Variants in FOXP1 observed in about 807,000 individuals in gnomAD.
The protein encoded by FOXP1 is forkhead box P1, also known as forkhead box protein P1.
FOXP1 carries 15 observed loss-of-function variants against 98.2 expected under a neutral mutation model. That is an observed-to-expected ratio of 0.15 (90% confidence interval 0.10 to 0.24). FOXP1 has a LOEUF of 0.24. FOXP1 is among the 10% of genes least tolerant of loss of function. The pLI is 1.00. For synonymous variants in FOXP1, 371 were observed against 314.5 expected, an observed-to-expected ratio of 1.18 and a Z score of -1.90; for missense variants, 633 against 848.5, an observed-to-expected ratio of 0.75 and a Z score of 3.15.
At chr3:71,374,947 G>A (rs1577194683) in intron 3 of FOXP1, among the ~76,000 whole-genome samples, 2 of 152,270 alleles carry the variant, frequency 1.3e-5, no homozygotes, top group South Asian at 4.1e-4. Flanking sequence ...TGAACAAGAA[G>A]ACTACCTGGC....
chr3:71,121,662 T>C (rs2058785047), intron 6 of FOXP1, among the ~76,000 whole-genome samples: 1 of 152,202 alleles, frequency 6.6e-6, no homozygotes, highest in African/African-American at 2.4e-5. Flanking sequence ...AGCCTGAGCC[T>C]GTTTAGCTCA....
chr3:71,209,187 T>A (rs2064275642), intron 5 of FOXP1, among the ~76,000 whole-genome samples: 1 of 152,236 alleles, frequency 6.6e-6, no homozygotes, highest in African/African-American at 2.4e-5. Context: ...CAATACCCTT[T>A]TATTTCCTGG....
chr3:71,465,326 AG>A (rs1560523558), intron 3 of FOXP1, among the ~76,000 whole-genome samples: 26 of 64,904 alleles, frequency 4.0e-4, no homozygotes, highest in African/African-American at 1.4e-3. Context: ...AAAAAAAAAA[AG>A]AAGAAGAAGA....
intron 5 of FOXP1, among the ~76,000 whole-genome samples, chr3:71,257,657 A>G (rs539833142): frequency 1.1e-3 from 172 of 152,122 alleles, no homozygotes; most frequent in Non-Finnish European, 2.1e-3. Context: ...TCCAGGATGC[A>G]GAAAGAAAAA....
chr3:71,373,975 T>G (rs775380065), intron 3 of FOXP1, among the ~76,000 whole-genome samples: 3 of 152,214 alleles, frequency 2.0e-5, no homozygotes, highest in Non-Finnish European at 2.9e-5. Context: ...AATTACCTGT[T>G]ACTCTTGACA....
intron 7 of FOXP1, among the ~76,000 whole-genome samples, chr3:71,092,353 G>A (rs550914376): frequency 6.6e-6 from 1 of 152,184 alleles, no homozygotes; most frequent in East Asian, 1.9e-4. Context: ...TCCAGCCTGG[G>A]TGACAGAAGG....
At chr3:71,551,373 G>T (rs2045765104) in intron 2 of FOXP1, among the ~76,000 whole-genome samples, 1 of 152,100 alleles carries the variant, frequency 6.6e-6, no homozygotes, top group Non-Finnish European at 1.5e-5. Flanking sequence ...AATACTCCAG[G>T]GATTACTCAA....
rs762423084 is a variant in FOXP1 at position 71,352,782 on chromosome 3, T to C, written c.-73+6368A>G. Among the ~76,000 whole-genome samples, 4 of 152,190 alleles carry C rather than the reference T, an allele frequency of 2.6e-5. No individual in the cohort carries two copies. The East Asian group carries it at 7.7e-4, about 29-fold the overall frequency. On this transcript the variant is annotated intron_variant, in intron 4 of 20. Transcript: ENST00000649528. ...TGCTGTTTATTGAGATTTTTTAGGG[T>C]TAGATTTTTCATGAGTTTAGAAAAT...
intron 11 of FOXP1, among the ~76,000 whole-genome samples, chr3:71,034,799 A>G (rs2047363550): frequency 6.6e-6 from 1 of 152,144 alleles, no homozygotes; most frequent in South Asian, 2.1e-4. Flanking sequence ...CTCCTAAGGA[A>G]AGGAAGCAAA....
At chr3:71,226,569 T>TCTCC (rs2065854969) in intron 5 of FOXP1, among the ~76,000 whole-genome samples, 1 of 151,002 alleles carries the variant, frequency 6.6e-6, no homozygotes, top group Non-Finnish European at 1.5e-5. Context: ...TCTCTCTCTC[T>TCTCC]CCTGTCTCTC....
chr3:71,387,755 C>G (rs141349643), intron 3 of FOXP1, among the ~76,000 whole-genome samples: 1 of 152,282 alleles, frequency 6.6e-6, no homozygotes, highest in East Asian at 1.9e-4. Context: ...TATTAAGGAC[C>G]CATGTGTTCA....
intron 2 of FOXP1, among the ~76,000 whole-genome samples, chr3:71,548,371 C>T (rs2045525738): frequency 2.0e-5 from 3 of 152,144 alleles, no homozygotes; most frequent in Non-Finnish European, 4.4e-5. Flanking sequence ...TAGCATAATT[C>T]AACGTATTTC....
rs1193824018 is a variant in FOXP1 at position 71,397,060 on chromosome 3, G to GTATA, written c.-167-37817_-167-37816insTATA. Among the ~76,000 whole-genome samples the GTATA allele has an allele frequency of 5.5e-5, 5 of 91,174 alleles. No homozygotes were observed. The East Asian group carries it at 1.5e-3, about 26-fold the overall frequency. The allele number at this position is 91,174 out of a possible 152,430, so 59.8% of individuals were successfully genotyped here. On this transcript the variant is annotated intron_variant, in intron 3 of 20. Transcript: ENST00000649528. ...TGTATATATATATACACATATATAT[G>GTATA]TGTATATATATATACATATATATGT...
rs143442121 is a variant in FOXP1 at position 71,250,595 on chromosome 3, G to C, written c.-12+49225C>G. On this transcript the variant is annotated intron_variant, in intron 5 of 20. Coordinates refer to ENST00000649528, the MANE Select transcript of FOXP1 (RefSeq NM_001349338.3). ...AAATTCTTCATATTCATTAAAAATTGTATTTTCTTCTCAACGGAAATTAAT... is the reference window on the plus strand; with the variant it reads ...AAATTCTTCATATTCATTAAAAATTCTATTTTCTTCTCAACGGAAATTAAT... 7.1e-3 allele frequency among the ~76,000 whole-genome samples: 1,075 copies of C among 152,270 alleles called. 10 individuals are homozygous for C. The highest frequency in any genetic ancestry group is 0.025 in the African/African-American group (1,024 of 41,560).
chr3:70,982,938 G>A (rs940524489), intron 14 of FOXP1, among the ~76,000 whole-genome samples: 5 of 152,202 alleles, frequency 3.3e-5, no homozygotes, highest in Admixed American at 1.3e-4. Flanking sequence ...ACACAACTGC[G>A]TAGTAGGGAC....
chr3:71,298,389 C>T (rs748757497), intron 5 of FOXP1, among the ~76,000 whole-genome samples: 62 of 151,844 alleles, frequency 4.1e-4, no homozygotes, highest in Non-Finnish European at 5.6e-4. Context: ...CACTTGAACC[C>T]GGGAGGCAGA....
intron 5 of FOXP1, among the ~76,000 whole-genome samples, chr3:71,258,048 G>A (rs769674022): frequency 4.6e-5 from 7 of 152,134 alleles, no homozygotes; most frequent in Non-Finnish European, 1.5e-5. Flanking sequence ...TCCACGGAGC[G>A]CCTACGAATA....
intron 5 of FOXP1, among the ~76,000 whole-genome samples, chr3:71,231,754 G>A (rs763536519): frequency 1.3e-5 from 2 of 152,220 alleles, no homozygotes; most frequent in African/African-American, 2.4e-5. Context: ...TCATTATGGT[G>A]CATAAATAAT....
At position 71,126,679 on chromosome 3, in the gene FOXP1, C is replaced by A. The variant is rs2059204441; in HGVS notation, c.181-14042G>T. 6.6e-5 allele frequency among the ~76,000 whole-genome samples: 10 copies of A among 151,488 alleles called. No individual in the cohort carries two copies. The South Asian group carries it at 2.1e-3, about 32-fold the overall frequency. ...TCTCTACTAAAAATACAAAAATTAG[C>A]CAGGTGTGATGGTGCACACCTGTAG... On this transcript the variant is annotated intron_variant, in intron 6 of 20. Coordinates refer to ENST00000649528, the MANE Select transcript of FOXP1 (RefSeq NM_001349338.3).
Sources: allele counts gnomAD v4.1 joint callset (sites outside exome capture counted in the v4.1 genomes callset), GRCh38; gene constraint gnomAD v4.1.1; transcripts MANE v1.5; gene names NCBI Gene and HGNC (gene_info 2026-07-23, HGNC 2026-07-21).